Variants in SGCZ observed in about 807,000 individuals in gnomAD.
SGCZ encodes sarcoglycan zeta.
SGCZ carries 40 observed loss-of-function variants against 41.3 expected under a neutral mutation model. The ratio of observed to expected loss-of-function variants is 0.97; its 90% CI spans 0.75 to 1.26. The LOEUF (loss-of-function observed/expected upper bound fraction) is 1.26, where lower values mean the gene tolerates loss of function less well. SGCZ is among the 50% of genes most tolerant of loss of function. SGCZ has a pLI of 0.00. For synonymous variants in SGCZ, 206 were observed against 137.5 expected (o/e 1.50, Z -3.49); for missense variants, 552 against 369.8 (o/e 1.49, Z -4.04).
chr8:14,464,317 A>G (rs1019243869), intron 2 of SGCZ, among the ~76,000 whole-genome samples: 1 of 151,190 alleles, frequency 6.6e-6, no homozygotes, highest in African/African-American at 2.4e-5. Flanking sequence ...GGTCTATTCA[A>G]ATTTTCTATT....
intron 2 of SGCZ, among the ~76,000 whole-genome samples, chr8:14,432,517 G>A (rs146109664): frequency 6.6e-6 from 1 of 152,194 alleles, no homozygotes; most frequent in East Asian, 1.9e-4. Context: ...ATGGACTTTG[G>A]GGACTCAGGG....
chr8:14,829,436 T>G (rs1400921082), intron 1 of SGCZ, among the ~76,000 whole-genome samples: 2 of 152,224 alleles, frequency 1.3e-5, no homozygotes, highest in South Asian at 2.1e-4. Flanking sequence ...ATTTTCTTTA[T>G]CTTTTAATTC....
chr8:14,376,220 A>G (rs1804119113), intron 2 of SGCZ, among the ~76,000 whole-genome samples: 1 of 152,170 alleles, frequency 6.6e-6, no homozygotes, highest in Non-Finnish European at 1.5e-5. Flanking sequence ...CTGAGGCAGG[A>G]GAATTCCTTG....
chr8:14,549,513 T>C (rs1438817629), intron 2 of SGCZ, among the ~76,000 whole-genome samples: 3 of 152,016 alleles, frequency 2.0e-5, no homozygotes, highest in African/African-American at 4.8e-5. Flanking sequence ...ACCTACACTT[T>C]TAAAACTTAA....
At chr8:14,244,515 G>C (rs1259336270) in intron 3 of SGCZ, among the ~76,000 whole-genome samples, 2 of 152,232 alleles carry the variant, frequency 1.3e-5, no homozygotes, top group South Asian at 2.1e-4. Flanking sequence ...ACAGTTTGAA[G>C]TCAGGTAGCA....
rs141508587 is a variant in SGCZ, at chr8:14,618,911, G to A, written c.40-63985C>T. Among the ~76,000 whole-genome samples, 1,225 of 152,244 alleles carry A rather than the reference G, an allele frequency of 8.0e-3. 15 individuals are homozygous for A. The highest frequency in any genetic ancestry group is 0.028 in the African/African-American group (1,159 of 41,546). ...ATTAACAAGAAAGTAAGGAGAGGTG[G>A]AAAAGCAGTTGAGCTGCAGAAAATA... On this transcript the variant is annotated intron_variant, in intron 1 of 7. Coordinates refer to ENST00000382080, the MANE Select transcript of SGCZ (RefSeq NM_139167.4).
At chr8:14,484,081 C>T (rs1017411902) in intron 2 of SGCZ, among the ~76,000 whole-genome samples, 1 of 152,094 alleles carries the variant, frequency 6.6e-6, no homozygotes, top group Non-Finnish European at 1.5e-5. Context: ...CTTTATTATA[C>T]CTGAAGTTTC....
At chr8:14,165,377 TAC>T (rs1275303205) in intron 4 of SGCZ, 1 of 152,188 alleles carries the variant, frequency 6.6e-6, no homozygotes, top group African/African-American at 2.4e-5. Context: ...TGGCCAATTC[TAC>T]ACACTGATCT....
chr8:15,084,502 G>A (rs187178713), intron 1 of SGCZ, among the ~76,000 whole-genome samples: 31 of 152,276 alleles, frequency 2.0e-4, no homozygotes, highest in Admixed American at 4.6e-4. Context: ...TGTAATCCCA[G>A]CACTTTGGGA....
rs899023983 is a variant in SGCZ at position 14,908,326 on chromosome 8, C to T, written c.39+329259G>A. On this transcript the variant is annotated intron_variant, in intron 1 of 7. Coordinates refer to ENST00000382080, the MANE Select transcript of SGCZ (RefSeq NM_139167.4). ...GAGGGGAAAAAGTTCAATTATTCAA[C>T]AAATATTTACCTAGTGGCCATTGTA... is the stretch of plus-strand genomic sequence containing the variant. 2.0e-5 allele frequency among the ~76,000 whole-genome samples: 3 copies of T among 152,212 alleles called. No homozygotes were observed. The South Asian group carries it at 6.2e-4, about 32-fold the overall frequency.
chr8:15,235,136 C>G (rs1217344255), intron 1 of SGCZ, among the ~76,000 whole-genome samples: 1 of 152,154 alleles, frequency 6.6e-6, no homozygotes. Context: ...CAAGAAGCCA[C>G]CAGAGACTAA....
chr8:14,445,312 T>C (rs1466352026), intron 2 of SGCZ, among the ~76,000 whole-genome samples: 1 of 152,168 alleles, frequency 6.6e-6, no homozygotes, highest in Non-Finnish European at 1.5e-5. Flanking sequence ...AAACAATGTA[T>C]TTTTACTAAT....
At chr8:14,812,437 T>A (rs998285419) in intron 1 of SGCZ, among the ~76,000 whole-genome samples, 1 of 152,102 alleles carries the variant, frequency 6.6e-6, no homozygotes, top group Admixed American at 6.6e-5. Flanking sequence ...GAGTATTTGT[T>A]TGTCAACAAG....
chr8:15,182,306 C>G lies in SGCZ; in HGVS notation c.39+55279G>C, dbSNP rs191755446. 2.6e-3 allele frequency among the ~76,000 whole-genome samples: 403 copies of G among 152,206 alleles called. 4 individuals carry two copies. The highest frequency in any genetic ancestry group is 9.3e-3 in the African/African-American group (387 of 41,540). ...AGCATTATACTAAATATAATGCAGT[C>G]ATGTGCCCCTTAACAATGGGCATAC... On this transcript the variant is annotated intron_variant, in intron 1 of 7. Transcript: ENST00000382080.
At chr8:14,532,780 C>T (rs574272561) in intron 2 of SGCZ, among the ~76,000 whole-genome samples, 8 of 151,350 alleles carry the variant, frequency 5.3e-5, no homozygotes, top group African/African-American at 1.7e-4. Flanking sequence ...TAAGCTATTT[C>T]ACTTAAATTG....
intron 5 of SGCZ, among the ~76,000 whole-genome samples, chr8:14,120,490 G>A (rs1802664658): frequency 6.6e-6 from 1 of 151,802 alleles, no homozygotes; most frequent in African/African-American, 2.4e-5. Context: ...AGTACAATGT[G>A]GTTTTATATT....
At chr8:14,736,639 C>T (rs1382417499) in intron 1 of SGCZ, among the ~76,000 whole-genome samples, 2 of 151,976 alleles carry the variant, frequency 1.3e-5, no homozygotes, top group Non-Finnish European at 2.9e-5. Context: ...CCCACTTTCC[C>T]GCTCAAGTCC....
intron 3 of SGCZ, among the ~76,000 whole-genome samples, chr8:14,254,965 C>T (rs534634721): frequency 6.6e-6 from 1 of 152,158 alleles, no homozygotes; most frequent in Admixed American, 6.5e-5. Context: ...GAACTAGATT[C>T]AGAAAAATCA....
chr8:14,544,772 C>T (rs1205538490), intron 2 of SGCZ, among the ~76,000 whole-genome samples: 1 of 152,188 alleles, frequency 6.6e-6, no homozygotes, highest in African/African-American at 2.4e-5. Context: ...ACGTGCACCA[C>T]TGAACATAGA....
Sources: gnomAD v4.1 joint callset for allele counts (sites outside exome capture counted in the v4.1 genomes callset) on GRCh38, gnomAD v4.1.1 for gene constraint, MANE v1.5 for transcripts, NCBI Gene and HGNC (gene_info 2026-07-23, HGNC 2026-07-21) for gene names.